AMPH: variants seen among roughly 807,000 people sequenced by gnomAD.
AMPH encodes amphiphysin.
Under a neutral mutation model 99.1 loss-of-function variants are expected in AMPH, and 49 were observed. That is an observed-to-expected ratio of 0.49 (90% CI 0.39 to 0.63). The LOEUF (loss-of-function observed/expected upper bound fraction) is 0.63. Among genes scored for constraint, AMPH ranks in the 20% least tolerant of loss-of-function variants. The probability of loss-of-function intolerance (pLI) is 0.00; values close to 1 mark genes in which losing one functional copy is unlikely to be tolerated. For synonymous variants in AMPH, 314 were observed against 317.3 expected (o/e 0.99, Z 0.11); for missense variants, 759 against 863.4 (o/e 0.88, Z 1.52).
intron 2 of AMPH, among the ~76,000 whole-genome samples, chr7:38,508,876 T>A (rs1245776210): frequency 1.3e-5 from 2 of 152,166 alleles, no homozygotes; most frequent in African/African-American, 4.8e-5. Context: ...ATCAAGGAGA[T>A]GAGATTTAAT....
intron 7 of AMPH, among the ~76,000 whole-genome samples, chr7:38,469,148 C>T (rs1257608018): frequency 2.5e-5 from 1 of 39,424 alleles, no homozygotes; most frequent in Non-Finnish European, 3.8e-5. Context: ...AGCGAGACTC[C>T]GCCTCAAAAA....
intron 17 of AMPH, among the ~76,000 whole-genome samples, chr7:38,406,619 T>G (rs1014590171): frequency 1.3e-5 from 2 of 151,844 alleles, no homozygotes. Context: ...CCCTCCTCAA[T>G]GTGAATGGGC....
At chr7:38,443,763 C>T (rs75764397) in intron 11 of AMPH, among the ~76,000 whole-genome samples, 2,685 of 152,066 alleles carry the variant, frequency 0.018, 89 homozygotes, top group African/African-American at 0.062. Context: ...TGAAATACTA[C>T]ATGCTCTTCC....
At chr7:38,550,703 C>G (rs1256975325) in intron 1 of AMPH, among the ~76,000 whole-genome samples, 2 of 152,176 alleles carry the variant, frequency 1.3e-5, no homozygotes, top group African/African-American at 4.8e-5. Flanking sequence ...TCCCACCACT[C>G]ACCTTTCTAT....
chr7:38,426,800 GT>G, intron 15 of AMPH, among the ~76,000 whole-genome samples, 153 bp downstream of exon 15: 1 of 152,262 alleles, frequency 6.6e-6, no homozygotes. Context: ...CTACTATTCT[GT>G]TTCCATTACT....
intron 1 of AMPH, among the ~76,000 whole-genome samples, chr7:38,556,572 C>T (rs1261256393): frequency 6.6e-6 from 1 of 152,176 alleles, no homozygotes; most frequent in Non-Finnish European, 1.5e-5. Context: ...GGGGGCGACT[C>T]AGGCAGAAGG....
At chr7:38,393,515 G>T (rs1031417397) in intron 18 of AMPH, among the ~76,000 whole-genome samples, 19 of 152,142 alleles carry the variant, frequency 1.2e-4, no homozygotes, top group Admixed American at 1.2e-3. Flanking sequence ...TGGTCCCTTT[G>T]TTTCCCTTCT....
chr7:38,535,036 G>C, intron 1 of AMPH, 25 bp from the exon 2 acceptor site: 4 of 1,588,714 alleles, frequency 2.5e-6, no homozygotes, highest in Non-Finnish European at 3.5e-6. Flanking sequence ...AAACAAAATG[G>C]TTTAATTTAA....
intron 1 of AMPH, among the ~76,000 whole-genome samples, chr7:38,551,942 T>G (rs1791196015): frequency 6.6e-6 from 1 of 152,160 alleles, no homozygotes; most frequent in South Asian, 2.1e-4. Flanking sequence ...GAATATGGAG[T>G]GGACATACAC....
intron 20 of AMPH, among the ~76,000 whole-genome samples, chr7:38,386,920 C>A (rs779922289): frequency 5.3e-5 from 8 of 152,252 alleles, no homozygotes; most frequent in South Asian, 2.1e-4. Context: ...GCATTCACAG[C>A]ATAGAGTGTA....
At chr7:38,524,914 C>T (rs1448156111) in intron 2 of AMPH, among the ~76,000 whole-genome samples, 2 of 151,924 alleles carry the variant, frequency 1.3e-5, no homozygotes, top group African/African-American at 2.4e-5. Flanking sequence ...CAGTCCTCAC[C>T]ACTCCTTACT....
chr7:38,545,312 T>C (rs1790955180), intron 1 of AMPH, among the ~76,000 whole-genome samples: 2 of 152,186 alleles, frequency 1.3e-5, no homozygotes, highest in African/African-American at 4.8e-5. Context: ...CAGGAAAATC[T>C]GGGCTTGGGG....
intron 17 of AMPH, among the ~76,000 whole-genome samples, chr7:38,412,123 T>A (rs940269569): frequency 1.3e-5 from 2 of 152,082 alleles, no homozygotes; most frequent in Non-Finnish European, 2.9e-5. Context: ...GGGGCTGTGA[T>A]TTGAGGTGAT....
intron 5 of AMPH, among the ~76,000 whole-genome samples, chr7:38,486,319 C>A (rs1366162671): frequency 6.6e-6 from 1 of 151,210 alleles, no homozygotes; most frequent in African/African-American, 2.4e-5. Flanking sequence ...TATATACTGG[C>A]AAACTGAATA....
chr7:38,467,640 A>ATGTGTGTGTGTGTGTG (rs70977407), intron 7 of AMPH, among the ~76,000 whole-genome samples: 37 of 148,730 alleles, frequency 2.5e-4, no homozygotes, highest in African/African-American at 8.0e-4. Context: ...CAATGGAAAT[A>ATGTGTGTGTGTGTGTG]TGTGTGTGTG....
chr7:38,468,877 G>A lies in AMPH; in HGVS notation c.591-2629C>T, dbSNP rs182794266. 6.3e-3 allele frequency among the ~76,000 whole-genome samples: 417 copies of A among 66,700 alleles called. 88 individuals are homozygous for A. Among genetic ancestry groups the A allele is most frequent in the Middle Eastern group, 0.023 (3 of 128 alleles). The allele number at this position is 66,700 out of a possible 152,430, so 43.8% of individuals were successfully genotyped here. On this transcript the variant is annotated intron_variant, in intron 7 of 20. Transcript: ENST00000356264. ...CCAGCAGTAGAACATACAGACGGCC[G>A]GGCGCGGTGGCTCACGCCTGTAATC...
intron 11 of AMPH, among the ~76,000 whole-genome samples, 195 bp from the exon 12 acceptor site, chr7:38,436,583 G>A (rs1786276035): frequency 6.6e-6 from 1 of 152,128 alleles, no homozygotes; most frequent in South Asian, 2.1e-4. Flanking sequence ...ACTAACTCTG[G>A]CCAAGTATAA....
At chr7:38,591,777 G>A (rs996943810) in intron 1 of AMPH, among the ~76,000 whole-genome samples, 4 of 152,158 alleles carry the variant, frequency 2.6e-5, no homozygotes, top group Non-Finnish European at 5.9e-5. Context: ...TCTGTTCACT[G>A]CCCTGACACT....
intron 1 of AMPH, among the ~76,000 whole-genome samples, chr7:38,561,476 C>T (rs181203885): frequency 4.4e-4 from 67 of 152,302 alleles, no homozygotes; most frequent in Admixed American, 2.1e-3. Flanking sequence ...AGGCACTGCA[C>T]AACAGAAAGA....
Sources: allele counts gnomAD v4.1 joint callset (sites outside exome capture counted in the v4.1 genomes callset), GRCh38; gene constraint gnomAD v4.1.1; transcripts MANE v1.5; gene names NCBI Gene and HGNC (gene_info 2026-07-23, HGNC 2026-07-21).